CCND3: variants seen among roughly 807,000 people sequenced by gnomAD.
CCND3 encodes cyclin D3.
In CCND3, 9 loss-of-function variants were observed where a neutral mutation model predicts 28.7. The observed-to-expected ratio is 0.31, with a 90% CI of 0.19 to 0.55. CCND3 has a LOEUF of 0.55. CCND3 is among the 20% of genes least tolerant of loss of function. The pLI, the probability that CCND3 is intolerant of heterozygous loss-of-function variation, is 0.93. For synonymous variants in CCND3, 164 were observed against 163.9 expected (o/e 1.00, Z 0.00); for missense variants, 315 against 385.8 (o/e 0.82, Z 1.54).
chr6:42,029,881 G>A (rs1265228721), intron 1 of CCND3: 1 of 152,082 alleles, frequency 6.6e-6, no homozygotes, highest in Non-Finnish European at 1.5e-5. Context: ...CACTGGGGAT[G>A]GATGGGGGTG....
chr6:41,964,329 A>T (rs1582112681), intron 1 of CCND3, among the ~76,000 whole-genome samples: 1 of 97,198 alleles, frequency 1.0e-5, no homozygotes, highest in African/African-American at 3.2e-5. Flanking sequence ...TGTGTGTGTG[A>T]ATGTGTGTGT....
chr6:41,947,559 A>C (rs977873326), intron 1 of CCND3, among the ~76,000 whole-genome samples: 1 of 152,020 alleles, frequency 6.6e-6, no homozygotes, highest in Non-Finnish European at 1.5e-5. Flanking sequence ...CAATCCCCAC[A>C]CTCTGATCAG....
At chr6:42,014,032 A>G (rs1407720343) in intron 1 of CCND3, among the ~76,000 whole-genome samples, 1 of 149,030 alleles carries the variant, frequency 6.7e-6, no homozygotes, top group African/African-American at 2.5e-5. Flanking sequence ...AGATCGTGCC[A>G]CTGCACTCCA....
rs77232756 is a variant in CCND3 at position 42,029,444 on chromosome 6, G to T, written c.-46+19057C>A. On this transcript the variant is annotated intron_variant, in intron 1 of 4. Transcript: ENST00000372988. ...TTGTTAAAGATGTGGGACATTAGAC[G>T]GCCTTGGGAGCCTCAAAGGAGGGAT... Among the ~76,000 whole-genome samples, 1,274 of 152,200 alleles carry T rather than the reference G, an allele frequency of 8.4e-3. 16 individuals are homozygous for T. The highest frequency in any genetic ancestry group is 0.028 in the African/African-American group (1,151 of 41,528).
intron 1 of CCND3, among the ~76,000 whole-genome samples, chr6:41,965,550 T>A (rs575271529): frequency 6.6e-6 from 1 of 152,202 alleles, no homozygotes; most frequent in Admixed American, 6.5e-5. Context: ...GTGGATGCAG[T>A]CATCCTGGGA....
chr6:42,006,713 C>T (rs1763184993), intron 1 of CCND3, among the ~76,000 whole-genome samples: 2 of 151,956 alleles, frequency 1.3e-5, no homozygotes, highest in Admixed American at 6.6e-5. Context: ...TCAAGACCAT[C>T]CTGGCTAACA....
chr6:42,042,738 T>C (rs1181501564), intron 1 of CCND3, among the ~76,000 whole-genome samples: 5 of 152,110 alleles, frequency 3.3e-5, no homozygotes, highest in Non-Finnish European at 7.4e-5. Flanking sequence ...TAATAATGCC[T>C]CCCTCATGGT....
intron 1 of CCND3, among the ~76,000 whole-genome samples, chr6:41,959,207 G>A (rs1007054923): frequency 5.3e-5 from 8 of 152,058 alleles, no homozygotes; most frequent in Admixed American, 5.2e-4. Context: ...TCAGCTATTC[G>A]GGAGGCTGAG....
rs568513974 is a variant in CCND3, at chr6:41,938,288, G to A, written c.415-894C>T. ...AGGATTTCTTCATTGTTTTATCTCA[G>A]GAAGGAACTTGTGGGTTTGACTCCT... On this transcript the variant is annotated intron_variant, in intron 2 of 4. Transcript: ENST00000372991. The surrounding 1 kb of genome is among the most constrained non-coding windows in gnomAD (Gnocchi z 4.6). 6 of 152,312 alleles carry A rather than the reference G, an allele frequency of 3.9e-5. No homozygotes were observed. Among genetic ancestry groups the A allele is most frequent in the Admixed American group, 2.0e-4 (3 of 15,286 alleles). The allele number at this position is 152,312 out of a possible 1,614,324, so 9.4% of individuals were successfully genotyped here. A position where few individuals can be genotyped will look rare whatever the true frequency, so the allele number is the denominator to read the frequency against.
chr6:41,973,606 G>A (rs908689532), intron 1 of CCND3, among the ~76,000 whole-genome samples: 2 of 152,178 alleles, frequency 1.3e-5, no homozygotes, highest in African/African-American at 4.8e-5. Flanking sequence ...ACCTGGGTTT[G>A]ATTCCCAGAT....
chr6:41,974,098 G>C (rs139777424), intron 1 of CCND3, among the ~76,000 whole-genome samples: 1 of 152,180 alleles, frequency 6.6e-6, no homozygotes, highest in Non-Finnish European at 1.5e-5. Context: ...CAGGGGAATC[G>C]CTTGAACCCG....
rs1253788403 is a variant in CCND3, at chr6:41,935,866, T to C, written c.*74A>G. The C allele has an allele frequency of 7.2e-7, 1 of 1,392,790 alleles. No homozygotes were observed. Among genetic ancestry groups the C allele is most frequent in the Admixed American group, 2.0e-5 (1 of 50,952 alleles). 86.3% of individuals were successfully genotyped at this position (1,392,790 alleles called of 1,614,324 possible). ...CCCTTCAGGCTTAGATGTGGTGTGGTTCCTGGAGGCAGGGAGGTGGGTGGC... is the reference window on the plus strand; with the variant it reads ...CCCTTCAGGCTTAGATGTGGTGTGGCTCCTGGAGGCAGGGAGGTGGGTGGC... On this transcript the variant is annotated 3_prime_UTR_variant, in exon 5 of 5. Transcript: ENST00000372991.
intron 1 of CCND3, among the ~76,000 whole-genome samples, chr6:41,959,302 A>T (rs1449796524): frequency 6.6e-6 from 1 of 151,640 alleles, no homozygotes; most frequent in Non-Finnish European, 1.5e-5. Flanking sequence ...CAACAAGAGC[A>T]AAACTCCATC....
intron 1 of CCND3, among the ~76,000 whole-genome samples, chr6:42,020,204 AG>A (rs1763660765): frequency 6.6e-6 from 1 of 152,122 alleles, no homozygotes. Context: ...GCACGAACCC[AG>A]GAGGAGGTGG....
At chr6:41,975,138 CATTATACTTTTCAAAG>C (rs1394882116) in intron 1 of CCND3, among the ~76,000 whole-genome samples, 1 of 152,062 alleles carries the variant, frequency 6.6e-6, no homozygotes, top group Non-Finnish European at 1.5e-5. Context: ...TCATATGGTA[CATTATACTTTTCAAAG>C]AGTTTATACA....
At chr6:41,970,631 A>G (rs1464216129) in intron 1 of CCND3, among the ~76,000 whole-genome samples, 1 of 152,148 alleles carries the variant, frequency 6.6e-6, no homozygotes, top group Non-Finnish European at 1.5e-5. Flanking sequence ...GTAAACAGCA[A>G]GCCTGTATTA....
At chr6:41,961,280 C>A (rs1281921195) in intron 1 of CCND3, among the ~76,000 whole-genome samples, 1 of 152,000 alleles carries the variant, frequency 6.6e-6, no homozygotes, top group Non-Finnish European at 1.5e-5. Flanking sequence ...TCAAGACCAG[C>A]ATGGCCAACA....
chr6:41,946,689 T>C (rs952567908), upstream of CCND3, among the ~76,000 whole-genome samples: 2 of 150,758 alleles, frequency 1.3e-5, no homozygotes, highest in Admixed American at 1.3e-4. Flanking sequence ...ATCTCGGTGC[T>C]TACAGTATTC....
chr6:42,042,697 GC>G (rs2127441553), intron 1 of CCND3, among the ~76,000 whole-genome samples: 1 of 152,194 alleles, frequency 6.6e-6, no homozygotes, highest in South Asian at 2.1e-4. Context: ...CCTCCCCTGT[GC>G]CTCAGTTTCC....
Sources: gnomAD v4.1 joint callset for allele counts (sites outside exome capture counted in the v4.1 genomes callset) on GRCh38, gnomAD v4.1.1 for gene constraint, Gnocchi (gnomAD v3.1) non-coding constraint, MANE v1.5 for transcripts, NCBI Gene and HGNC (gene_info 2026-07-23, HGNC 2026-07-21) for gene names.